NRXN1: variants seen among roughly 807,000 people sequenced by gnomAD.
NRXN1 encodes the protein neurexin 1, also known as neurexin-1.
Under a neutral mutation model 150.9 loss-of-function variants are expected in NRXN1, and 39 were observed. That is an observed-to-expected ratio of 0.26 (90% CI 0.20 to 0.34). The LOEUF (loss-of-function observed/expected upper bound fraction) is 0.34, where lower values mean the gene tolerates loss of function less well. NRXN1 is among the 10% of genes least tolerant of loss of function. The pLI is 1.00. For synonymous variants in NRXN1, 924 were observed against 757.0 expected, an observed-to-expected ratio of 1.22 and a Z score of -3.62; for missense variants, 1,815 against 1,949.9, an observed-to-expected ratio of 0.93 and a Z score of 1.30.
intron 17 of NRXN1, among the ~76,000 whole-genome samples, chr2:50,408,035 G>T (rs927185929): frequency 1.3e-5 from 2 of 151,990 alleles, no homozygotes; most frequent in Non-Finnish European, 2.9e-5. Context: ...AATACTTGTT[G>T]TCCTTCCAAT....
In NRXN1 at chr2:50,649,251, T is replaced by TACACATACAC. The variant is rs1284650257; in HGVS notation, c.833-25637_833-25636insGTGTATGTGT. Among the ~76,000 whole-genome samples the TACACATACAC allele has an allele frequency of 9.6e-3, 767 of 79,572 alleles. 8 individuals are homozygous for TACACATACAC. The highest frequency in any genetic ancestry group is 0.032 in the African/African-American group (714 of 22,146). 52.2% of individuals were successfully genotyped at this position (79,572 alleles called of 152,430 possible). On this transcript the variant is annotated intron_variant, in intron 5 of 22. Transcript: ENST00000401669. ...TTAGGTACAAGCATGTATACACACA[T>TACACATACAC]ACACACATACACACACACACACACA...
At chr2:50,238,399 C>T (rs1357347118) in intron 17 of NRXN1, among the ~76,000 whole-genome samples, 2 of 151,998 alleles carry the variant, frequency 1.3e-5, no homozygotes, top group African/African-American at 2.4e-5. Context: ...ATCGATACCC[C>T]TAGCTTTTCT....
intron 5 of NRXN1, among the ~76,000 whole-genome samples, chr2:50,880,863 A>G (rs919103708): frequency 2.0e-5 from 3 of 151,920 alleles, no homozygotes; most frequent in Non-Finnish European, 4.4e-5. Flanking sequence ...GAACCATCCA[A>G]AGGTTCCCTG....
chr2:50,218,852 C>A (rs2063586092), intron 18 of NRXN1, among the ~76,000 whole-genome samples: 1 of 151,900 alleles, frequency 6.6e-6, no homozygotes, highest in Admixed American at 6.6e-5. Context: ...TCTATGGATT[C>A]CTGTTATACA....
chr2:50,913,468 A>G (rs1036912385), intron 5 of NRXN1, among the ~76,000 whole-genome samples: 1 of 151,828 alleles, frequency 6.6e-6, no homozygotes, highest in Non-Finnish European at 1.5e-5. Context: ...AGGTAACTCA[A>G]GCCAAAGAAT....
chr2:50,341,531 C>T (rs768841716), intron 17 of NRXN1, among the ~76,000 whole-genome samples: 18 of 152,148 alleles, frequency 1.2e-4, no homozygotes, highest in Non-Finnish European at 2.1e-4. Context: ...TAAGCAGCTT[C>T]GTACATTTAC....
intron 18 of NRXN1, among the ~76,000 whole-genome samples, chr2:50,148,461 A>G (rs1036722460): frequency 6.6e-6 from 1 of 151,700 alleles, no homozygotes; most frequent in Non-Finnish European, 1.5e-5. Context: ...AAGGGCAAAA[A>G]AAAACAAAGT....
chr2:50,490,426 GTAA>G (rs1012744152), intron 15 of NRXN1, among the ~76,000 whole-genome samples: 1 of 152,132 alleles, frequency 6.6e-6, no homozygotes, highest in African/African-American at 2.4e-5. Context: ...CTACCTCTGT[GTAA>G]TTGTGTAATT....
At chr2:50,055,813 G>C (rs1360850770) in intron 19 of NRXN1, among the ~76,000 whole-genome samples, 1 of 148,370 alleles carries the variant, frequency 6.7e-6, no homozygotes, top group African/African-American at 2.6e-5. Flanking sequence ...TCAAATATCT[G>C]CTTTTTATTA....
At chr2:50,547,325 A>T (rs1200474807) in intron 9 of NRXN1, 1 of 152,236 alleles carries the variant, frequency 6.6e-6, no homozygotes, top group Non-Finnish European at 1.5e-5. Flanking sequence ...AAATAAAATA[A>T]GACTGGCAGT....
intron 5 of NRXN1, among the ~76,000 whole-genome samples, chr2:50,685,495 T>C (rs1051516444): frequency 2.0e-5 from 3 of 152,184 alleles, no homozygotes; most frequent in Admixed American, 6.5e-5. Context: ...TTGCTAAGGC[T>C]TGAAAACGAG....
At chr2:50,532,128 G>A (rs2093132615) in intron 10 of NRXN1, among the ~76,000 whole-genome samples, 1 of 152,034 alleles carries the variant, frequency 6.6e-6, no homozygotes, top group Admixed American at 6.6e-5. Flanking sequence ...CCTGTGCCCA[G>A]CCTCCAGCAA....
At chr2:50,362,458 G>A (rs114191999) in intron 17 of NRXN1, among the ~76,000 whole-genome samples, 26 of 151,916 alleles carry the variant, frequency 1.7e-4, no homozygotes, top group African/African-American at 5.5e-4. Context: ...CAGTAATAGA[G>A]AGCCAAATCA....
chr2:50,033,982 A>C (rs573531205), intron 21 of NRXN1, among the ~76,000 whole-genome samples: 33 of 151,786 alleles, frequency 2.2e-4, no homozygotes, highest in African/African-American at 4.6e-4. Context: ...AAAAAAAAAA[A>C]AAACAAACAG....
At chr2:50,196,444 T>C (rs1189524298) in intron 18 of NRXN1, among the ~76,000 whole-genome samples, 3 of 152,168 alleles carry the variant, frequency 2.0e-5, no homozygotes, top group Non-Finnish European at 2.9e-5. Flanking sequence ...TTTGATTATC[T>C]AATGTGCTAG....
At chr2:50,609,020 T>A (rs1157832928) in intron 8 of NRXN1, among the ~76,000 whole-genome samples, 2 of 152,160 alleles carry the variant, frequency 1.3e-5, no homozygotes, top group African/African-American at 4.8e-5. Flanking sequence ...TGTCATCATT[T>A]AGGATAGCAA....
chr2:50,533,616 C>T lies in NRXN1; in HGVS notation c.2144-2186G>A, dbSNP rs145228783. Among the ~76,000 whole-genome samples the T allele has an allele frequency of 4.0e-3, 613 of 152,248 alleles. 17 individuals are homozygous for T. The highest frequency in any genetic ancestry group is 0.035 in the Admixed American group (537 of 15,274). ...CTTTGCTCTCATCTCTCACCTACAC[C>T]ACTGTAGTAGCTCCCTCAACCGTGT... is the stretch of plus-strand genomic sequence containing the variant. On this transcript the variant is annotated intron_variant, in intron 10 of 22. Coordinates refer to ENST00000401669, the MANE Select transcript of NRXN1 (RefSeq NM_001330078.2).
chr2:50,479,663 G>T (rs1216189383), intron 15 of NRXN1, among the ~76,000 whole-genome samples: 3 of 151,362 alleles, frequency 2.0e-5, no homozygotes, highest in African/African-American at 7.3e-5. Context: ...ACACAGGGAA[G>T]GTTTTATGTC....
intron 21 of NRXN1, among the ~76,000 whole-genome samples, chr2:50,020,345 G>A (rs1231015708): frequency 1.3e-5 from 2 of 152,130 alleles, no homozygotes; most frequent in Non-Finnish European, 2.9e-5. Flanking sequence ...AGCAATTTCT[G>A]TAGTTTCATT....
Sources: gnomAD v4.1 joint callset for allele counts (sites outside exome capture counted in the v4.1 genomes callset) on GRCh38, gnomAD v4.1.1 for gene constraint, MANE v1.5 for transcripts, NCBI Gene and HGNC (gene_info 2026-07-23, HGNC 2026-07-21) for gene names.